SDK1: variants seen among roughly 807,000 people sequenced by gnomAD.
The protein encoded by SDK1 is protein sidekick-1.
In SDK1, 157 loss-of-function variants were observed where a neutral mutation model predicts 245.5. The ratio of observed to expected loss-of-function variants is 0.64; its 90% CI spans 0.56 to 0.73. SDK1 has a LOEUF of 0.73. SDK1 is among the 30% of genes least tolerant of loss of function. SDK1 has a pLI of 0.00. For missense variants in SDK1, 3,583 were observed against 3,002.3 expected (o/e 1.19, Z -4.52); for synonymous variants, 1,647 against 1,278.5 (o/e 1.29, Z -6.15).
intron 5 of SDK1, among the ~76,000 whole-genome samples, chr7:3,845,880 CTG>C (rs1562486065): frequency 6.6e-6 from 1 of 151,962 alleles, no homozygotes; most frequent in Non-Finnish European, 1.5e-5. Flanking sequence ...CAGATTGAAA[CTG>C]TGGTTTCTAG....
At chr7:3,415,901 TG>T (rs1332468485) in intron 1 of SDK1, among the ~76,000 whole-genome samples, 1 of 152,116 alleles carries the variant, frequency 6.6e-6, no homozygotes, top group Non-Finnish European at 1.5e-5. Flanking sequence ...GCAGGACTAA[TG>T]AATAAGCCAC....
intron 22 of SDK1, among the ~76,000 whole-genome samples, chr7:4,107,974 G>A (rs754722984): frequency 2.0e-5 from 3 of 152,096 alleles, no homozygotes; most frequent in Non-Finnish European, 2.9e-5. Context: ...AATATCCTCC[G>A]GCTTCCTAGC....
rs1455007044 is a variant in SDK1 at position 4,033,161 on chromosome 7, G to A, written c.2602+15809G>A. On this transcript the variant is annotated intron_variant, in intron 17 of 44. Coordinates refer to ENST00000404826, the MANE Select transcript of SDK1 (RefSeq NM_152744.4). ...GAAAGCCCAGAAATGGACCCCATTC[G>A]ATATGGCAATTTAGTATATAATAAA... 5.3e-5 allele frequency among the ~76,000 whole-genome samples: 8 copies of A among 152,106 alleles called. 1 individual carries two copies. In the South Asian group the frequency reaches 1.5e-3, roughly 28 times the overall value.
At chr7:3,631,999 C>G (rs998814355) in intron 2 of SDK1, among the ~76,000 whole-genome samples, 1 of 152,100 alleles carries the variant, frequency 6.6e-6, no homozygotes, top group Non-Finnish European at 1.5e-5. Flanking sequence ...TAACATTTGC[C>G]TTCATACTTT....
At chr7:3,590,508 G>A (rs1222212881) in intron 1 of SDK1, among the ~76,000 whole-genome samples, 1 of 152,106 alleles carries the variant, frequency 6.6e-6, no homozygotes, top group Non-Finnish European at 1.5e-5. Flanking sequence ...CTTCCAAAAT[G>A]TGAATGCTAA....
chr7:4,160,359 A>G (rs1298345377), intron 31 of SDK1, among the ~76,000 whole-genome samples: 1 of 152,156 alleles, frequency 6.6e-6, no homozygotes, highest in Non-Finnish European at 1.5e-5. Flanking sequence ...GGCAGCATCC[A>G]AAAGGACCAT....
Position 3,672,768 on chromosome 7 carries a change from T to C in SDK1, c.713+30663T>C, listed in dbSNP as rs190627675. Among the ~76,000 whole-genome samples the C allele has an allele frequency of 2.8e-3, 129 of 45,460 alleles. 6 individuals carry two copies. The highest frequency in any genetic ancestry group is 5.7e-3 in the East Asian group (7 of 1,226). The allele number at this position is 45,460 out of a possible 152,430, so 29.8% of individuals were successfully genotyped here. A position where few individuals can be genotyped will look rare whatever the true frequency, so the allele number is the denominator to read the frequency against. On this transcript the variant is annotated intron_variant, in intron 4 of 44. Coordinates refer to ENST00000404826, the MANE Select transcript of SDK1 (RefSeq NM_152744.4). ...TTTATAATATATAATTTTATATATA[T>C]ATATATATATATATATATATATATA... is the stretch of plus-strand genomic sequence containing the variant.
intron 1 of SDK1, among the ~76,000 whole-genome samples, chr7:3,507,128 A>C (rs1168756143): frequency 2.0e-5 from 3 of 152,108 alleles, no homozygotes; most frequent in Non-Finnish European, 4.4e-5. Context: ...GTGTCTGCTG[A>C]ATGCCCTAGG....
chr7:3,754,689 G>C (rs1169781089), intron 4 of SDK1, among the ~76,000 whole-genome samples: 3 of 152,010 alleles, frequency 2.0e-5, no homozygotes, highest in South Asian at 2.1e-4. Context: ...GAAGGGGGGT[G>C]GGGGGCGGAG....
chr7:4,157,047 C>T lies in SDK1; in HGVS notation c.4626-1401C>T, dbSNP rs528641834. Among the ~76,000 whole-genome samples, 22 of 152,268 alleles carry T rather than the reference C, an allele frequency of 1.4e-4. No individual in the cohort carries two copies. In the East Asian group the frequency reaches 3.9e-3, roughly 27 times the overall value. On this transcript the variant is annotated intron_variant, in intron 30 of 44. Coordinates refer to ENST00000404826, the MANE Select transcript of SDK1 (RefSeq NM_152744.4). ...CCAGGGAGGAGAACAGAGCAGTTTC[C>T]TCACTTGCTCATTCGGAAGTCGAAT...
chr7:4,006,601 A>AT (rs561869466), intron 14 of SDK1, among the ~76,000 whole-genome samples: 78 of 151,730 alleles, frequency 5.1e-4, no homozygotes, highest in East Asian at 1.2e-3. Context: ...TCCCAAAACA[A>AT]TTTTTTTTTG....
chr7:3,973,756 G>A (rs1414016744), intron 12 of SDK1, among the ~76,000 whole-genome samples: 1 of 152,140 alleles, frequency 6.6e-6, no homozygotes, highest in African/African-American at 2.4e-5. Context: ...AAAACACAAG[G>A]TCAGACAGGC....
intron 14 of SDK1, among the ~76,000 whole-genome samples, chr7:4,008,870 T>C (rs1365376612): frequency 6.6e-6 from 1 of 152,224 alleles, no homozygotes; most frequent in Admixed American, 6.5e-5. Flanking sequence ...GGTATGCACA[T>C]ATCTCTTCGA....
chr7:4,000,408 T>A lies in SDK1; in HGVS notation c.2132-10558T>A, dbSNP rs533949310. 2.6e-5 allele frequency among the ~76,000 whole-genome samples: 4 copies of A among 152,320 alleles called. No homozygotes were observed. The South Asian group carries it at 8.3e-4, about 32-fold the overall frequency. ...TCAGCTGCTGGGCCAAGACTAGCTT[T>A]TGGAGCACGTTCTCTGAGTCCCAGT... On this transcript the variant is annotated intron_variant, in intron 14 of 44. Transcript: ENST00000404826.
intron 1 of SDK1, among the ~76,000 whole-genome samples, chr7:3,562,340 C>T (rs1213927345): frequency 2.0e-5 from 3 of 152,184 alleles, no homozygotes; most frequent in Non-Finnish European, 4.4e-5. Context: ...GTACTTTGGC[C>T]TTTTCTTCCA....
rs191820131 is a variant in SDK1, at chr7:3,830,071, G to A, written c.847+8488G>A. ...AAGTAAGACATGATCTGTCCCAGTGGATTTATATGACTGATGTGCGTGATT... is the reference window on the plus strand; with the variant it reads ...AAGTAAGACATGATCTGTCCCAGTGAATTTATATGACTGATGTGCGTGATT... On this transcript the variant is annotated intron_variant, in intron 5 of 44. Coordinates refer to ENST00000404826, the MANE Select transcript of SDK1 (RefSeq NM_152744.4). Among the ~76,000 whole-genome samples, 199 of 152,244 alleles carry A rather than the reference G, an allele frequency of 1.3e-3. 1 individual carries two copies. Among genetic ancestry groups the A allele is most frequent in the African/African-American group, 4.7e-3 (194 of 41,538 alleles).
intron 1 of SDK1, among the ~76,000 whole-genome samples, chr7:3,570,097 A>G (rs1380997345): frequency 6.6e-6 from 1 of 152,180 alleles, no homozygotes; most frequent in Non-Finnish European, 1.5e-5. Context: ...CTGTGTCACC[A>G]CCAGTGTCCA....
intron 4 of SDK1, among the ~76,000 whole-genome samples, chr7:3,669,264 C>G (rs1451266027): frequency 6.6e-6 from 1 of 152,116 alleles, no homozygotes; most frequent in Non-Finnish European, 1.5e-5. Context: ...GGATTAAAAA[C>G]CTGTTAAAGT....
chr7:3,503,930 T>TC (rs1782302554), intron 1 of SDK1, among the ~76,000 whole-genome samples: 1 of 151,940 alleles, frequency 6.6e-6, no homozygotes, highest in African/African-American at 2.4e-5. Flanking sequence ...GGTGGGCGGA[T>TC]CACGAGGTCA....
Sources: allele counts gnomAD v4.1 joint callset (sites outside exome capture counted in the v4.1 genomes callset), GRCh38; gene constraint gnomAD v4.1.1; transcripts MANE v1.5; gene names NCBI Gene and HGNC (gene_info 2026-07-23, HGNC 2026-07-21).